Variants in SPTB observed in about 807,000 individuals in gnomAD.
The protein encoded by SPTB is spectrin beta, erythrocytic, also known as spectrin beta chain, erythrocytic.
A neutral mutation model predicts 256.2 loss-of-function variants in SPTB; 45 were observed. That is an observed-to-expected ratio of 0.18 (90% CI 0.14 to 0.23). SPTB has a LOEUF of 0.23. Among genes scored for constraint, SPTB ranks in the 10% least tolerant of loss-of-function variants. SPTB has a pLI of 1.00. For synonymous variants in SPTB, 1,231 were observed against 1,243.1 expected, an observed-to-expected ratio of 0.99 and a Z score of 0.21; for missense variants, 2,715 against 3,040.4, an observed-to-expected ratio of 0.89 and a Z score of 2.52.
intron 2 of SPTB, among the ~76,000 whole-genome samples, chr14:64,814,449 C>G (rs1256200672): frequency 6.6e-6 from 1 of 151,972 alleles, no homozygotes; most frequent in African/African-American, 2.4e-5. Context: ...CTCATATTTT[C>G]TATATTAAAT....
At chr14:64,774,374 G>C (rs759622689) in intron 24 of SPTB, 23 bp downstream of exon 24, 4 of 1,579,766 alleles carry the variant, frequency 2.5e-6, no homozygotes, top group Non-Finnish European at 2.6e-6. Flanking sequence ...TCCTGACCGA[G>C]TCACCACAGG....
intron 1 of SPTB, among the ~76,000 whole-genome samples, chr14:64,874,449 C>T (rs531495023): frequency 1.4e-4 from 21 of 152,334 alleles, no homozygotes; most frequent in Non-Finnish European, 2.4e-4. Flanking sequence ...AATGTCTGCT[C>T]TTTTTGAATA....
rs1011820760 is a variant in SPTB at position 64,826,538 on chromosome 14, C to T, written c.-51-3393G>A. 2.9e-4 allele frequency among the ~76,000 whole-genome samples: 44 copies of T among 152,126 alleles called. No individual in the cohort carries two copies. Among genetic ancestry groups the T allele is most frequent in the African/African-American group, 1.1e-3 (44 of 41,420 alleles). On this transcript the variant is annotated intron_variant, in intron 1 of 35. Coordinates refer to ENST00000644917, the MANE Select transcript of SPTB (RefSeq NM_001355436.2). This position sits in a 1 kb window ranked among gnomAD's most constrained non-coding sequence, Gnocchi z 4.4. The stretch of plus-strand genomic sequence containing the variant: ...ACATCTAGAGTGGCCTTCCATGAGT[C>T]ACGGAGGACCGCAAATACATGGCTA...
At chr14:64,797,612 G>C (rs1299105745) in intron 10 of SPTB, 117 bp downstream of exon 10, 1 of 892,070 alleles carries the variant, frequency 1.1e-6, no homozygotes, top group Non-Finnish European at 1.9e-6. Context: ...TCAACATGTG[G>C]ATTAATAACA....
chr14:64,763,743 C>T, intron 32 of SPTB: 1 of 519,010 alleles, frequency 1.9e-6, no homozygotes, highest in South Asian at 1.4e-5. Context: ...TTCTGCCTGG[C>T]CTCCCATGCA....
Position 64,799,875 on chromosome 14 carries a change from C to T in SPTB, c.936G>A (p.Ser312=), listed in dbSNP as rs754889649. Residue 312 remains serine, a synonymous_variant, in exon 9 of 36, where the codon TCG becomes TCA. Transcript: ENST00000644917. ...KMIEKYSGLA[S]DLLTWIEQTI... ...TCTGCTCGATCCAGGTGAGCAGGTC[C>T]GAGGCTAGCCCGCTGTACTTTTCAA... 3.5e-5 allele frequency: 56 copies of T among 1,614,080 alleles called. No individual in the cohort carries two copies. Among genetic ancestry groups the T allele is most frequent in the Admixed American group, 1.2e-4 (7 of 60,006 alleles).
At chr14:64,875,997 T>C in intron 1 of SPTB, among the ~76,000 whole-genome samples, 1 of 152,222 alleles carries the variant, frequency 6.6e-6, no homozygotes, top group East Asian at 1.9e-4. Context: ...AGATGGCACC[T>C]CATTCTGTTG....
chr14:64,835,891 G>A (rs556831293), intron 1 of SPTB, among the ~76,000 whole-genome samples: 25 of 152,262 alleles, frequency 1.6e-4, no homozygotes, highest in Non-Finnish European at 3.2e-4. Flanking sequence ...GTCCTACTTA[G>A]CAGTGATGTG....
At position 64,826,478 on chromosome 14, in the gene SPTB, A is replaced by T. The variant is rs2083379306; in HGVS notation, c.-51-3333T>A. ...CTGGGAGGAACTTAGAGATGAGATG[A>T]TCTGGTCTCATTTTCAAAGATATAA... On this transcript the variant is annotated intron_variant, in intron 1 of 35. Coordinates refer to ENST00000644917, the MANE Select transcript of SPTB (RefSeq NM_001355436.2). The surrounding 1 kb of genome is among the most constrained non-coding windows in gnomAD (Gnocchi z 4.4). Among the ~76,000 whole-genome samples, 1 of 152,190 alleles carries T rather than the reference A, an allele frequency of 6.6e-6. No individual in the cohort carries two copies. The highest frequency in any genetic ancestry group is 2.1e-4 in the South Asian group (1 of 4,834).
chr14:64,849,160 T>C (rs181357350), intron 1 of SPTB, among the ~76,000 whole-genome samples: 1 of 152,264 alleles, frequency 6.6e-6, no homozygotes, highest in Non-Finnish European at 1.5e-5. Context: ...AATAATAACA[T>C]GTTTGATTAT....
intron 1 of SPTB, among the ~76,000 whole-genome samples, chr14:64,833,465 T>A (rs369330263): frequency 1.3e-5 from 2 of 151,980 alleles, no homozygotes; most frequent in East Asian, 3.9e-4. Flanking sequence ...GGTGGGAGAA[T>A]TACTTGAACC....
intron 1 of SPTB, among the ~76,000 whole-genome samples, chr14:64,843,435 T>TG (rs2083639092): frequency 6.6e-6 from 1 of 152,044 alleles, no homozygotes; most frequent in Admixed American, 6.6e-5. Context: ...TATACTTCAC[T>TG]GGGGAAAAAA....
At chr14:64,810,291 C>T (rs138954554) in intron 2 of SPTB, among the ~76,000 whole-genome samples, 2 of 152,162 alleles carry the variant, frequency 1.3e-5, no homozygotes, top group African/African-American at 2.4e-5. Context: ...AACTGGATGG[C>T]CAAGCAGGAA....
rs2081890158 is a variant in SPTB at position 64,748,780 on chromosome 14, G to C, written c.*526C>G. 1 of 156,120 alleles carries C rather than the reference G, an allele frequency of 6.4e-6. No homozygotes were observed. 9.7% of individuals were successfully genotyped at this position (156,120 alleles called of 1,614,324 possible). On this transcript the variant is annotated 3_prime_UTR_variant, in exon 36 of 36. Transcript: ENST00000644917. ...GCTAGGGCTTTGTGGGCCACCTGAA[G>C]GCTCCTTCCTCATGCCCCTAGGGGG...
rs554946690 is a variant in SPTB at position 64,765,906 on chromosome 14, T to C, written c.6345+820A>G. On this transcript the variant is annotated intron_variant, in intron 32 of 35. Transcript: ENST00000644917. ...TGCGGTGTGTGCATGTGTGTGTGTG[T>C]GGGGGTGTGGTGTGTATGAGTGTGT... 8.8e-5 allele frequency among the ~76,000 whole-genome samples: 13 copies of C among 147,258 alleles called. No homozygotes were observed. In the East Asian group the frequency reaches 2.7e-3, roughly 30 times the overall value.
intron 1 of SPTB, among the ~76,000 whole-genome samples, chr14:64,848,943 T>C (rs1017167067): frequency 6.6e-6 from 1 of 152,238 alleles, no homozygotes; most frequent in African/African-American, 2.4e-5. Context: ...ATACATCCCC[T>C]ACACTCACAG....
chr14:64,767,321 C>G lies in SPTB; in HGVS notation c.6251G>C (p.Arg2084Thr). The G allele has an allele frequency of 6.2e-7, 1 of 1,614,132 alleles. No homozygotes were observed. Among genetic ancestry groups the G allele is most frequent in the Non-Finnish European group, 8.5e-7 (1 of 1,180,034 alleles). The change falls in exon 31 of 36, where the codon AGA (arginine) becomes ACA (threonine). Residue 2084 changes from arginine to threonine, a missense_variant. Arg to Thr is a moderately conservative substitution (Grantham distance 71). Around this residue, in one of 4 missense-constraint regions of SPTB, gnomAD observed 2,239 missense variants for 2,384.4 expected, o/e 0.94. Coordinates refer to ENST00000644917, the MANE Select transcript of SPTB (RefSeq NM_001355436.2). ...LELKERQIAE[R>T]PAEETGPQEE... ...CACTCACCCAGTCTCCTCTGCGGGT[C>G]TCTCTGCAATCTGGCGTTCTTTCAG...
intron 2 of SPTB, among the ~76,000 whole-genome samples, chr14:64,818,981 C>A (rs1243972461): frequency 6.6e-6 from 1 of 152,188 alleles, no homozygotes; most frequent in Non-Finnish European, 1.5e-5. Flanking sequence ...TGCTACTTAA[C>A]CTCATGACAG....
rs966936249 is a variant in SPTB, at chr14:64,823,717, G to A, written c.-51-572C>T. Among the ~76,000 whole-genome samples, 2 of 152,168 alleles carry A rather than the reference G, an allele frequency of 1.3e-5. No homozygotes were observed. Among genetic ancestry groups the A allele is most frequent in the Non-Finnish European group, 1.5e-5 (1 of 68,022 alleles). On this transcript the variant is annotated intron_variant, in intron 1 of 35. Transcript: ENST00000644917. This position sits in a 1 kb window ranked among gnomAD's most constrained non-coding sequence, Gnocchi z 6.5. ...GCACTGGGGGGACTTCACTCCTCCC[G>A]GAGGCTTTCTGAGAGCCCTCTGAGT... is the stretch of plus-strand genomic sequence containing the variant.
Sources: gnomAD v4.1 joint callset for allele counts (sites outside exome capture counted in the v4.1 genomes callset) on GRCh38, gnomAD v4.1.1 for gene constraint, gnomAD v4.1.1 regional missense constraint, Gnocchi (gnomAD v3.1) non-coding constraint, MANE v1.5 for transcripts, NCBI Gene and HGNC (gene_info 2026-07-23, HGNC 2026-07-21) for gene names.